Variants in RALGDS observed in about 807,000 individuals in gnomAD.
The protein encoded by RALGDS is ral guanine nucleotide dissociation stimulator.
A neutral mutation model predicts 99.8 loss-of-function variants in RALGDS; 44 were observed. That is an observed-to-expected ratio of 0.44 (90% CI 0.35 to 0.57). The LOEUF (loss-of-function observed/expected upper bound fraction) is 0.57. Ranked by LOEUF, RALGDS falls within the 20% of genes least tolerant of loss-of-function variation. The pLI is 0.01. For synonymous variants in RALGDS, 529 were observed against 505.0 expected (o/e 1.05, Z -0.64); for missense variants, 1,022 against 1,203.1 (o/e 0.85, Z 2.23).
At chr9:133,109,012 C>T in intron 4 of RALGDS, 146 bp from the exon 5 acceptor site, 1 of 787,414 alleles carries the variant, frequency 1.3e-6, no homozygotes, top group Non-Finnish European at 2.1e-6. Context: ...CAAGGAGGCC[C>T]CTGGTCAGTG....
At chr9:133,137,011 G>A (rs940881513) in intron 1 of RALGDS, among the ~76,000 whole-genome samples, 1 of 152,004 alleles carries the variant, frequency 6.6e-6, no homozygotes, top group Non-Finnish European at 1.5e-5. Context: ...GAGGCGGGCG[G>A]ATCACTTGAG....
chr9:133,102,859 G>A lies in RALGDS; in HGVS notation c.1833C>T (p.Ala611=), dbSNP rs141325803. The stretch of plus-strand genomic sequence containing the variant: ...CTGGCGCGATGCTGTAGTTGTTGCA[G>A]GCCGACTGCAGCAGCTTGATCTGGG... ...VIAQIKLLQS[A]CNNYSIAPDE... is the part of the protein sequence containing the mutation. Residue 611 remains alanine (A), a synonymous_variant, in exon 13 of 18, where the codon GCC becomes GCT. Transcript: ENST00000372050. The A allele has an allele frequency of 3.0e-5, 48 of 1,613,542 alleles. No homozygotes were observed. In the African/African-American group the frequency reaches 4.7e-4, roughly 16 times the overall value.
Position 133,097,861 on chromosome 9 carries a change from C to T in RALGDS, c.*726G>A, listed in dbSNP as rs1010440993. 4.4e-6 allele frequency: 1 copy of T among 229,612 alleles called. No individual in the cohort carries two copies. Among genetic ancestry groups the T allele is most frequent in the Admixed American group, 5.7e-5 (1 of 17,642 alleles). The allele number at this position is 229,612 out of a possible 1,614,324, so 14.2% of individuals were successfully genotyped here. A position where few individuals can be genotyped will look rare whatever the true frequency, so the allele number is the denominator to read the frequency against. ...TATACAAATATTCAATCACCCCACC[C>T]CCACCCCAAATCCTCCTTCCTCACT... On this transcript the variant is annotated 3_prime_UTR_variant, in exon 18 of 18. Transcript: ENST00000372050.
In RALGDS at chr9:133,112,047, G is replaced by C. The variant is rs764203868; in HGVS notation, c.289C>G (p.Leu97Val). 1.8e-5 allele frequency: 28 copies of C among 1,573,594 alleles called. No homozygotes were observed. The highest frequency in any genetic ancestry group is 1.8e-5 in the Admixed American group (1 of 56,120). The change falls in exon 2 of 18, where the codon CTC becomes GTC. Residue 97 changes from leucine to valine, a missense_variant. Physicochemically the swap from Leu to Val is conservative, Grantham distance 32. Around this residue, in one of 3 missense-constraint regions of RALGDS, gnomAD observed 180 missense variants for 169.3 expected, o/e 1.06. Coordinates refer to ENST00000372050, the MANE Select transcript of RALGDS (RefSeq NM_006266.4). The part of the protein sequence containing the change: ...HHGGNKGQRW[L>V]GYENESALNL... ...GAGACCCCGAGCGCACTCACCCCGA[G>C]CCAGCGCTGCCCCTTGTTGCCTCCG...
In RALGDS at chr9:133,101,604, C is replaced by T. The variant is rs956716138; in HGVS notation, c.2370G>A (p.Pro790=). The T allele has an allele frequency of 1.2e-5, 20 of 1,612,828 alleles. No individual in the cohort carries two copies. The highest frequency in any genetic ancestry group is 2.2e-5 in the East Asian group (1 of 44,884). ...AGTCGCCCACCTGCTGGTTGTAGAG[C>T]GGCAGCGCGGAGCTGGAGTTGCAGA... ...SGLCNSSSAL[P]LYNQQVGDCC... The change falls in exon 16 of 18, where the codon CCG becomes CCA. Residue 790 remains proline (P), a synonymous_variant. Coordinates refer to ENST00000372050, the MANE Select transcript of RALGDS (RefSeq NM_006266.4).
intron 1 of RALGDS, among the ~76,000 whole-genome samples, chr9:133,116,738 C>A (rs1000347967): frequency 6.6e-6 from 1 of 152,270 alleles, no homozygotes; most frequent in African/African-American, 2.4e-5. Context: ...ATCCTCCTAA[C>A]GCCCTGCCTG....
At chr9:133,128,876 C>T (rs1394006319) in intron 1 of RALGDS, among the ~76,000 whole-genome samples, 4 of 152,206 alleles carry the variant, frequency 2.6e-5, no homozygotes, top group Non-Finnish European at 4.4e-5. Flanking sequence ...CAGCCCGCAG[C>T]CACCCTGGAC....
intron 14 of RALGDS, 28 bp from the exon 15 acceptor site, chr9:133,102,167 G>A: frequency 1.9e-6 from 3 of 1,550,642 alleles, no homozygotes; most frequent in Non-Finnish European, 2.6e-6. Flanking sequence ...TTAGTTAAGG[G>A]GGCTCCCCAA....
At chr9:133,109,496 A>G (rs1404113082) in intron 4 of RALGDS, 130 bp downstream of exon 4, 2 of 866,520 alleles carry the variant, frequency 2.3e-6, no homozygotes, top group African/African-American at 1.7e-5. Flanking sequence ...CCAGCCCTCT[A>G]GCAGGAACCA....
At chr9:133,111,217 G>A (rs942724181) in intron 2 of RALGDS, among the ~76,000 whole-genome samples, 8 of 152,062 alleles carry the variant, frequency 5.3e-5, no homozygotes, top group Non-Finnish European at 8.8e-5. Context: ...CCCCATTCTA[G>A]AGATGAGGAA....
chr9:133,101,881 C>A, intron 15 of RALGDS, 57 bp downstream of exon 15: 8 of 1,551,062 alleles, frequency 5.2e-6, no homozygotes, highest in Non-Finnish European at 7.0e-6. Flanking sequence ...TGGCCCCATG[C>A]ATGGATTTGG....
chr9:133,101,953 A>C lies in RALGDS; in HGVS notation c.2196T>G (p.Asp732Glu). Residue 732 changes from aspartate to glutamate, a missense_variant, in exon 15 of 18, where the codon GAT becomes GAG. Physicochemically the swap from Asp to Glu is conservative, Grantham distance 45 (BLOSUM62 2). This residue lies in a region of RALGDS where 825 missense variants were observed against 994.5 expected (regional missense o/e 0.83). Coordinates refer to ENST00000372050, the MANE Select transcript of RALGDS (RefSeq NM_006266.4). ...AGGCAGTCACCTTCTTTTCCTGGCC[A>C]TCAGGAGACTCCGGGACGAAGCTGA... The part of the protein sequence containing the change: ...INISFVPESP[D>E]GQEKKFWESA... The C allele has an allele frequency of 6.4e-7, 1 of 1,551,294 alleles. No individual in the cohort carries two copies. Among genetic ancestry groups the C allele is most frequent in the South Asian group, 1.2e-5 (1 of 84,090 alleles).
At chr9:133,105,769 G>A (rs539288245) in intron 9 of RALGDS, among the ~76,000 whole-genome samples, 163 bp downstream of exon 9, 391 of 151,560 alleles carry the variant, frequency 2.6e-3, no homozygotes, top group African/African-American at 9.1e-3. Context: ...CCCCCTTCAC[G>A]CACACGGGAA....
At chr9:133,111,042 T>C (rs1040211104) in intron 2 of RALGDS, among the ~76,000 whole-genome samples, 2 of 152,232 alleles carry the variant, frequency 1.3e-5, no homozygotes, top group African/African-American at 4.8e-5. Flanking sequence ...CATGGCAGCC[T>C]GGGTGACAGA....
Position 133,121,194 on chromosome 9 carries a change from C to CGGCGGG in RALGDS, c.-46_-41dup. On this transcript the variant is annotated 5_prime_UTR_variant, in exon 1 of 18. Coordinates refer to ENST00000372050, the MANE Select transcript of RALGDS (RefSeq NM_006266.4). ...GCGGGCGCGGGGCCGGCCCGGCGCG[C>CGGCGGG]GGCGGGGGCGGCGGCGCGGCCCGCG... The CGGCGGG allele has an allele frequency of 2.3e-6, 2 of 884,446 alleles. No homozygotes were observed. Among genetic ancestry groups the CGGCGGG allele is most frequent in the Non-Finnish European group, 2.7e-6 (2 of 740,412 alleles). The allele number at this position is 884,446 out of a possible 1,614,324, so 54.8% of individuals were successfully genotyped here. A position where few individuals can be genotyped will look rare whatever the true frequency, so the allele number is the denominator to read the frequency against.
At chr9:133,125,915 A>G (rs2119234580), upstream of RALGDS, among the ~76,000 whole-genome samples, 1 of 152,090 alleles carries the variant, frequency 6.6e-6, no homozygotes, top group South Asian at 2.1e-4. Flanking sequence ...TCACTACAAA[A>G]GGGGTTGGGG....
intron 1 of RALGDS, among the ~76,000 whole-genome samples, chr9:133,118,195 C>T (rs2119201870): frequency 6.6e-6 from 1 of 152,354 alleles, no homozygotes; most frequent in African/African-American, 2.4e-5. Context: ...AGACCACAGT[C>T]TGTACACATG....
rs1158408041 is a variant in RALGDS, at chr9:133,108,188, G to C, written c.997C>G (p.Leu333Val). ...VGLESAPAPA[L>V]ELEPAPEQDP... Reference sequence around the variant, plus strand: ...TGTTCTGGAGCTGGCTCTAGTTCCAGAGCTGGCGCTGGAGCCGATTCTAGT... The same window carrying C: ...TGTTCTGGAGCTGGCTCTAGTTCCACAGCTGGCGCTGGAGCCGATTCTAGT... Residue 333 changes from leucine (L) to valine (V), a missense_variant, in exon 6 of 18, where the codon CTG (leucine) becomes GTG (valine). This residue lies in a region of RALGDS where 825 missense variants were observed against 994.5 expected (regional missense o/e 0.83). Coordinates refer to ENST00000372050, the MANE Select transcript of RALGDS (RefSeq NM_006266.4). The C allele has an allele frequency of 4.3e-6, 7 of 1,613,416 alleles. No individual in the cohort carries two copies. In the African/African-American group the frequency reaches 8.0e-5, roughly 18 times the overall value.
At chr9:133,101,266 C>T in intron 16 of RALGDS, 1 of 1,366,786 alleles carries the variant, frequency 7.3e-7, no homozygotes, top group Non-Finnish European at 9.6e-7. Flanking sequence ...CTGGATACTT[C>T]CCTGACCTCA....
Sources: allele counts gnomAD v4.1 joint callset (sites outside exome capture counted in the v4.1 genomes callset), GRCh38; gene constraint gnomAD v4.1.1; regional missense constraint gnomAD v4.1.1; transcripts MANE v1.5; gene names NCBI Gene and HGNC (gene_info 2026-07-23, HGNC 2026-07-21).